Variants in KCNB2 observed in about 807,000 individuals in gnomAD.
The protein encoded by KCNB2 is potassium voltage-gated channel subfamily B member 2, also known as delayed rectifier potassium channel protein.
In KCNB2, 15 loss-of-function variants were observed where a neutral mutation model predicts 61.5. That is an observed-to-expected ratio of 0.24 (90% confidence interval 0.16 to 0.38). KCNB2 has a LOEUF of 0.38. Ranked by LOEUF, KCNB2 falls within the 10% of genes least tolerant of loss-of-function variation. The pLI, the probability that KCNB2 is intolerant of heterozygous loss-of-function variation, is 1.00. For synonymous variants in KCNB2, 457 were observed against 446.0 expected, an observed-to-expected ratio of 1.02 and a Z score of -0.31; for missense variants, 828 against 1,125.2, an observed-to-expected ratio of 0.74 and a Z score of 3.78.
intron 2 of KCNB2, among the ~76,000 whole-genome samples, chr8:72,600,535 T>A (rs879664147): frequency 4.0e-5 from 6 of 151,830 alleles, no homozygotes; most frequent in Admixed American, 3.9e-4. Context: ...ATGGCACATG[T>A]ATACATATGT....
intron 2 of KCNB2, among the ~76,000 whole-genome samples, chr8:72,844,592 G>A (rs1303884675): frequency 2.0e-5 from 3 of 152,044 alleles, no homozygotes; most frequent in Admixed American, 2.0e-4. Flanking sequence ...ATGTAGGTTT[G>A]GTCTTTTCAC....
At chr8:72,920,105 ATTAC>A (rs1221652598) in intron 2 of KCNB2, among the ~76,000 whole-genome samples, 1 of 152,066 alleles carries the variant, frequency 6.6e-6, no homozygotes, top group Admixed American at 6.6e-5. Context: ...TTTAAAATTA[ATTAC>A]TTAAGTTATA....
intron 2 of KCNB2, among the ~76,000 whole-genome samples, chr8:72,821,916 C>T (rs1809518599): frequency 6.6e-6 from 1 of 152,112 alleles, no homozygotes; most frequent in Admixed American, 6.5e-5. Flanking sequence ...TACCACTCCC[C>T]ACACACATCC....
chr8:72,723,669 G>C (rs1204131491), intron 2 of KCNB2, among the ~76,000 whole-genome samples: 1 of 152,148 alleles, frequency 6.6e-6, no homozygotes, highest in African/African-American at 2.4e-5. Context: ...ACACTAGGTA[G>C]AATTGCTTCC....
chr8:72,895,924 T>C (rs916941684), intron 2 of KCNB2, among the ~76,000 whole-genome samples: 5 of 152,184 alleles, frequency 3.3e-5, no homozygotes, highest in Non-Finnish European at 7.3e-5. Context: ...AGGGATAGAT[T>C]TTGTTCCTAA....
intron 2 of KCNB2, among the ~76,000 whole-genome samples, chr8:72,755,695 G>T (rs957967167): frequency 2.6e-5 from 4 of 152,136 alleles, no homozygotes; most frequent in African/African-American, 9.7e-5. Flanking sequence ...AATCCAAGAG[G>T]TCTTAGTTGT....
At chr8:72,743,479 A>C (rs1808001640) in intron 2 of KCNB2, among the ~76,000 whole-genome samples, 1 of 152,210 alleles carries the variant, frequency 6.6e-6, no homozygotes, top group Non-Finnish European at 1.5e-5. Context: ...TTCCCTTTAA[A>C]AGCACATTCT....
intron 2 of KCNB2, among the ~76,000 whole-genome samples, chr8:72,749,593 C>T (rs1326442021): frequency 2.6e-5 from 4 of 151,080 alleles, no homozygotes; most frequent in Non-Finnish European, 5.9e-5. Context: ...TATAAGCCAA[C>T]CTACTTATTA....
In KCNB2 at chr8:72,598,075, A is replaced by G. The variant is rs191690818; in HGVS notation, c.579+29762A>G. Among the ~76,000 whole-genome samples, 25 of 148,528 alleles carry G rather than the reference A, an allele frequency of 1.7e-4. No homozygotes were observed. The East Asian group carries it at 4.6e-3, about 27-fold the overall frequency. ...TCATGATAGCAAAGACATGGAATCA[A>G]CCTAAATGTCCACCAATGGTAGACT... On this transcript the variant is annotated intron_variant, in intron 2 of 2. Coordinates refer to ENST00000523207, the MANE Select transcript of KCNB2 (RefSeq NM_004770.3).
intron 2 of KCNB2, among the ~76,000 whole-genome samples, chr8:72,921,676 C>A (rs1429822791): frequency 6.6e-6 from 1 of 152,100 alleles, no homozygotes; most frequent in African/African-American, 2.4e-5. Flanking sequence ...ATATTTCTCC[C>A]GTATTCCACT....
At chr8:72,792,902 T>G (rs1163911000) in intron 2 of KCNB2, among the ~76,000 whole-genome samples, 7 of 152,248 alleles carry the variant, frequency 4.6e-5, no homozygotes, top group Non-Finnish European at 7.3e-5. Flanking sequence ...GGAATTCTTT[T>G]TATCCTTCTG....
At chr8:72,886,631 C>T (rs1345250594) in intron 2 of KCNB2, among the ~76,000 whole-genome samples, 5 of 152,180 alleles carry the variant, frequency 3.3e-5, no homozygotes, top group Non-Finnish European at 7.4e-5. Flanking sequence ...CTACTTGCAC[C>T]CCTGAGCTCA....
chr8:72,540,642 T>C (rs796277197), intron 1 of KCNB2, among the ~76,000 whole-genome samples: 12 of 152,236 alleles, frequency 7.9e-5, no homozygotes, highest in African/African-American at 2.6e-4. Flanking sequence ...CCTAGATCTG[T>C]GGGCCATTCT....
At chr8:72,802,915 G>T (rs1809155780) in intron 2 of KCNB2, among the ~76,000 whole-genome samples, 1 of 152,164 alleles carries the variant, frequency 6.6e-6, no homozygotes, top group Admixed American at 6.5e-5. Flanking sequence ...TTTGATGAAT[G>T]CTGTGGAATG....
intron 2 of KCNB2, among the ~76,000 whole-genome samples, chr8:72,890,934 A>G (rs1805886976): frequency 6.6e-6 from 1 of 152,238 alleles, no homozygotes; most frequent in Non-Finnish European, 1.5e-5. Flanking sequence ...AGACTGCCTT[A>G]GAGAATCCTA....
At chr8:72,596,461 C>T (rs1585773908) in intron 2 of KCNB2, among the ~76,000 whole-genome samples, 1 of 152,268 alleles carries the variant, frequency 6.6e-6, no homozygotes, top group Non-Finnish European at 1.5e-5. Context: ...TGATTTTAGT[C>T]TCTTACTGGG....
At chr8:72,828,591 T>A (rs1809638432) in intron 2 of KCNB2, among the ~76,000 whole-genome samples, 1 of 152,224 alleles carries the variant, frequency 6.6e-6, no homozygotes, top group Admixed American at 6.5e-5. Context: ...TGGGCTTCCA[T>A]CTGTTTGCTC....
intron 2 of KCNB2, among the ~76,000 whole-genome samples, chr8:72,773,924 G>A (rs1433239319): frequency 6.7e-6 from 1 of 149,202 alleles, no homozygotes; most frequent in Non-Finnish European, 1.5e-5. Flanking sequence ...TAGAGTGAAA[G>A]TCCTGTGAAC....
intron 2 of KCNB2, among the ~76,000 whole-genome samples, chr8:72,695,950 C>G (rs1001488121): frequency 4.6e-5 from 7 of 152,176 alleles, no homozygotes; most frequent in African/African-American, 1.7e-4. Flanking sequence ...AAATTAGTAA[C>G]AGAGATAGAA....
Sources: gnomAD v4.1 joint callset for allele counts (sites outside exome capture counted in the v4.1 genomes callset) on GRCh38, gnomAD v4.1.1 for gene constraint, MANE v1.5 for transcripts, NCBI Gene and HGNC (gene_info 2026-07-23, HGNC 2026-07-21) for gene names.